PABPC4L: variants seen among roughly 807,000 people sequenced by gnomAD.
PABPC4L encodes polyadenylate-binding protein 4-like.
For synonymous variants in PABPC4L, 169 were observed against 164.1 expected (o/e 1.03, Z -0.23); for missense variants, 452 against 451.4 (o/e 1.00, Z -0.01).
At chr4:134,185,964 G>A in the PABPC4L span, among the ~76,000 whole-genome samples, 186 of 152,136 alleles carry the variant, frequency 1.2e-3, no homozygotes, top group African/African-American at 4.0e-3. Context: ...AAATACCTAC[G>A]AATCCAACTT....
At chr4:134,005,688 C>G in the PABPC4L span, among the ~76,000 whole-genome samples, 1 of 151,616 alleles carries the variant, frequency 6.6e-6, no homozygotes, top group South Asian at 2.1e-4. Flanking sequence ...GCAATCAGAG[C>G]TAAACAAAAC....
chr4:134,088,711 C>T, the PABPC4L span, among the ~76,000 whole-genome samples: 1 of 152,026 alleles, frequency 6.6e-6, no homozygotes, highest in Non-Finnish European at 1.5e-5. Flanking sequence ...ACAAAACCTG[C>T]TGGCACCTTG....
At chr4:134,098,421 A>AT in the PABPC4L span, among the ~76,000 whole-genome samples, 1 of 151,392 alleles carries the variant, frequency 6.6e-6, no homozygotes, top group African/African-American at 2.4e-5. Flanking sequence ...TTGTTTTTTT[A>AT]TTTTTTATTT....
chr4:134,070,956 G>A, the PABPC4L span, among the ~76,000 whole-genome samples: 8 of 152,144 alleles, frequency 5.3e-5, no homozygotes, highest in South Asian at 8.3e-4. Context: ...GGAGCATGGC[G>A]AGCCTTGGGA....
chr4:134,107,863 G>A, the PABPC4L span, among the ~76,000 whole-genome samples: 4 of 151,156 alleles, frequency 2.6e-5, no homozygotes, highest in African/African-American at 4.8e-5. Flanking sequence ...TTTCCTTCTA[G>A]ATATAACACC....
the PABPC4L span, among the ~76,000 whole-genome samples, chr4:134,108,762 T>C: frequency 6.6e-6 from 1 of 151,864 alleles, no homozygotes; most frequent in South Asian, 2.1e-4. Flanking sequence ...ATTTTTTTCT[T>C]GATTTGGAGA....
At chr4:133,986,829 G>A in the PABPC4L span, among the ~76,000 whole-genome samples, 2 of 151,420 alleles carry the variant, frequency 1.3e-5, no homozygotes, top group Admixed American at 6.6e-5. Context: ...TCTGACTCCT[G>A]GGTTCAAGGA....
the PABPC4L span, among the ~76,000 whole-genome samples, chr4:134,065,815 C>T: frequency 2.0e-4 from 31 of 152,142 alleles, no homozygotes; most frequent in East Asian, 1.4e-3. Flanking sequence ...GGAAGGGATC[C>T]GGTTTTAATC....
the PABPC4L span, among the ~76,000 whole-genome samples, chr4:134,115,681 C>T: frequency 6.6e-6 from 1 of 151,626 alleles, no homozygotes; most frequent in African/African-American, 2.4e-5. Context: ...AGAGTGAAGA[C>T]AGAAATAGTG....
At chr4:134,088,212 T>A in the PABPC4L span, among the ~76,000 whole-genome samples, 2 of 152,086 alleles carry the variant, frequency 1.3e-5, no homozygotes, top group Non-Finnish European at 2.9e-5. Flanking sequence ...TCTCCAGTTA[T>A]ACTCAAGATT....
the PABPC4L span, among the ~76,000 whole-genome samples, chr4:133,963,100 T>A: frequency 6.6e-6 from 1 of 152,034 alleles, no homozygotes; most frequent in Non-Finnish European, 1.5e-5. Context: ...AAGAGACTCA[T>A]CTAACACATA....
the PABPC4L span, among the ~76,000 whole-genome samples, chr4:134,114,335 T>C: frequency 2.1e-3 from 316 of 151,898 alleles, 1 homozygote; most frequent in South Asian, 8.1e-3. Flanking sequence ...ACAAACCTCA[T>C]GGCTCATGCA....
At chr4:134,086,713 T>G in the PABPC4L span, among the ~76,000 whole-genome samples, 1 of 150,948 alleles carries the variant, frequency 6.6e-6, no homozygotes, top group Non-Finnish European at 1.5e-5. Flanking sequence ...GAGCAAAGCT[T>G]GAAAGTCTTT....
chr4:133,962,671 G>C, the PABPC4L span, among the ~76,000 whole-genome samples: 1 of 152,010 alleles, frequency 6.6e-6, no homozygotes, highest in Admixed American at 6.6e-5. Context: ...GAAGGGATTG[G>C]GGCTAGAAGG....
the PABPC4L span, among the ~76,000 whole-genome samples, chr4:134,060,153 C>T: frequency 6.6e-6 from 1 of 152,086 alleles, no homozygotes; most frequent in Non-Finnish European, 1.5e-5. Flanking sequence ...TTTAGACCAG[C>T]TCTCACCAGA....
the PABPC4L span, among the ~76,000 whole-genome samples, chr4:133,976,332 C>T: frequency 1.3e-5 from 2 of 152,120 alleles, no homozygotes; most frequent in Non-Finnish European, 2.9e-5. Flanking sequence ...ATATGTATCA[C>T]ATTTTATTTA....
At chr4:134,068,721 T>G in the PABPC4L span, among the ~76,000 whole-genome samples, 2 of 151,982 alleles carry the variant, frequency 1.3e-5, no homozygotes, top group Non-Finnish European at 2.9e-5. Context: ...ACATCTTTTT[T>G]TTTTTTTGAC....
chr4:134,072,513 T>A, the PABPC4L span, among the ~76,000 whole-genome samples: 1 of 152,232 alleles, frequency 6.6e-6, no homozygotes, highest in East Asian at 1.9e-4. Flanking sequence ...TTTCTCTACA[T>A]TTTATAACAA....
At chr4:134,093,625 G>C in the PABPC4L span, among the ~76,000 whole-genome samples, 2 of 148,160 alleles carry the variant, frequency 1.3e-5, no homozygotes. Context: ...AAGCTGGAGT[G>C]CAGTGGCACT....
Sources: allele counts gnomAD v4.1 joint callset (sites outside exome capture counted in the v4.1 genomes callset), GRCh38; gene constraint gnomAD v4.1.1; transcripts MANE v1.5; gene names NCBI Gene and HGNC (gene_info 2026-07-23, HGNC 2026-07-21).